Variants in MYO5B observed in about 807,000 individuals in gnomAD.
The protein encoded by MYO5B is myosin VB, also known as unconventional myosin-Vb.
MYO5B carries 143 observed loss-of-function variants against 229.3 expected under a neutral mutation model. That is an observed-to-expected ratio of 0.62 (90% CI 0.54 to 0.72). The LOEUF (loss-of-function observed/expected upper bound fraction) is 0.72, where lower values mean the gene tolerates loss of function less well. Among genes scored for constraint, MYO5B ranks in the 30% least tolerant of loss-of-function variants. MYO5B has a pLI of 0.00. For synonymous variants in MYO5B, 918 were observed against 885.2 expected, an observed-to-expected ratio of 1.04 and a Z score of -0.66; for missense variants, 2,321 against 2,331.0, an observed-to-expected ratio of 1.00 and a Z score of 0.09.
intron 17 of MYO5B, among the ~76,000 whole-genome samples, chr18:49,926,468 G>T (rs1247868820): frequency 6.6e-6 from 1 of 152,218 alleles, no homozygotes; most frequent in Non-Finnish European, 1.5e-5. Flanking sequence ...AGGACAGAGG[G>T]TCCCAGTGGG....
In MYO5B at chr18:49,882,412, G is replaced by A. The variant is rs1044298715; in HGVS notation, c.3046-1957C>T. ...TGAGAGACTGAGGTGGGCAGATAAC[G>A]AGGTCAGGAGATCGAGATGATCCTG... On this transcript the variant is annotated intron_variant, in intron 22 of 39. Transcript: ENST00000285039. Among the ~76,000 whole-genome samples, 7 of 151,874 alleles carry A rather than the reference G, an allele frequency of 4.6e-5. No individual in the cohort carries two copies. The East Asian group carries it at 1.4e-3, about 30-fold the overall frequency.
intron 16 of MYO5B, among the ~76,000 whole-genome samples, chr18:49,933,432 T>C (rs763232975): frequency 1.3e-5 from 2 of 152,252 alleles, no homozygotes; most frequent in Non-Finnish European, 2.9e-5. Context: ...CTACCTGTCC[T>C]AGCCCAGTGC....
intron 17 of MYO5B, among the ~76,000 whole-genome samples, chr18:49,917,573 C>T (rs1025720604): frequency 6.6e-6 from 1 of 152,212 alleles, no homozygotes; most frequent in Non-Finnish European, 1.5e-5. Flanking sequence ...AGATGGCCAT[C>T]GAGACGCCTT....
In MYO5B at chr18:50,195,013, A is replaced by G. The variant is rs1599096113; in HGVS notation, c.-220T>C. 1.9e-6 allele frequency: 1 copy of G among 534,674 alleles called. No homozygotes were observed. The highest frequency in any genetic ancestry group is 2.0e-5 in the African/African-American group (1 of 50,226). 33.1% of individuals were successfully genotyped at this position (534,674 alleles called of 1,614,324 possible). A position where few individuals can be genotyped will look rare whatever the true frequency, so the allele number is the denominator to read the frequency against. On this transcript the variant is annotated 5_prime_UTR_variant, in exon 1 of 40. Transcript: ENST00000285039. ...GCCGCGGCGGCGCAGCTACGGCCGG[A>G]CAGGAGTTGCGAGCGCCGGGGGAGG...
At chr18:49,854,839 G>C (rs996850055) in intron 30 of MYO5B, among the ~76,000 whole-genome samples, 8 of 152,188 alleles carry the variant, frequency 5.3e-5, no homozygotes, top group African/African-American at 1.9e-4. Flanking sequence ...AAGAGAGAGA[G>C]GGAAAGTCTA....
intron 10 of MYO5B, among the ~76,000 whole-genome samples, chr18:49,972,309 C>T (rs1238731970): frequency 6.6e-6 from 1 of 152,154 alleles, no homozygotes; most frequent in Admixed American, 6.5e-5. Flanking sequence ...ACAAACCGGG[C>T]TGACATCTGT....
intron 1 of MYO5B, among the ~76,000 whole-genome samples, chr18:50,193,915 G>A (rs1000090201): frequency 1.3e-5 from 2 of 152,192 alleles, no homozygotes; most frequent in Non-Finnish European, 2.9e-5. Flanking sequence ...CAACTGCTGC[G>A]GAACGCGGGC....
At position 49,837,541 on chromosome 18, in the gene MYO5B, G is replaced by A; in HGVS notation, c.5114C>T (p.Ser1705Phe). The A allele has an allele frequency of 6.2e-7, 1 of 1,613,926 alleles. No individual in the cohort carries two copies. The change falls in exon 37 of 40, where the codon TCT becomes TTT. Residue 1705 changes from serine to phenylalanine, a missense_variant. This residue lies in a region of MYO5B where 208 missense variants were observed against 286.3 expected (regional missense o/e 0.73). Transcript: ENST00000285039. Reference sequence around the variant, plus strand: ...CCTGAGTTGCATGCCTGTGCTCCAAGAGCAGACGTCCTTCCGCAAGAGCAG... The same window carrying A: ...CCTGAGTTGCATGCCTGTGCTCCAAAAGCAGACGTCCTTCCGCAAGAGCAG... ...NNLLLRKDVCSWSTGMQLRYN... is the reference protein window; with the variant it reads ...NNLLLRKDVCFWSTGMQLRYN...
chr18:50,119,838 G>GA lies in MYO5B; in HGVS notation c.28-64461dup, dbSNP rs573016430. Among the ~76,000 whole-genome samples the GA allele has an allele frequency of 3.6e-4, 54 of 151,808 alleles. No homozygotes were observed. In the East Asian group the frequency reaches 5.6e-3, roughly 16 times the overall value. On this transcript the variant is annotated intron_variant, in intron 1 of 39. Coordinates refer to ENST00000285039, the MANE Select transcript of MYO5B (RefSeq NM_001080467.3). ...GCTAGAGAAGGTCTTGCTGAAAAAGGAAAAAAAATTAGTTTGCTGTGATAC... is the reference window on the plus strand; with the variant it reads ...GCTAGAGAAGGTCTTGCTGAAAAAGGAAAAAAAAATTAGTTTGCTGTGATAC...
chr18:50,030,967 A>G (rs2026382472), intron 4 of MYO5B, among the ~76,000 whole-genome samples: 1 of 149,600 alleles, frequency 6.7e-6, no homozygotes, highest in African/African-American at 2.5e-5. Flanking sequence ...CGCCAGCCAA[A>G]TAAGATGGCA....
chr18:49,937,374 A>G lies in MYO5B; in HGVS notation c.1776T>C (p.Phe592=), dbSNP rs181890135. The change falls in exon 15 of 40, where the codon TTT becomes TTC. Residue 592 remains phenylalanine, a synonymous_variant. Coordinates refer to ENST00000285039, the MANE Select transcript of MYO5B (RefSeq NM_001080467.3). ...CAGGAACAGGGTCCTTGTCATCATG[A>G]AACAAGTCAGCCACTAGTGGGAACT... The part of the protein sequence containing the change: ...ASKFPLVADL[F]HDDKDPVPAT... 1.5e-5 allele frequency: 25 copies of G among 1,614,172 alleles called. No individual in the cohort carries two copies. The African/African-American group carries it at 2.9e-4, about 19-fold the overall frequency.
intron 4 of MYO5B, among the ~76,000 whole-genome samples, chr18:50,014,237 TA>T (rs1384355693): frequency 3.7e-5 from 2 of 53,794 alleles, no homozygotes; most frequent in East Asian, 5.1e-4. Flanking sequence ...AATGTCTACA[TA>T]AAAAAAGTCC....
intron 21 of MYO5B, among the ~76,000 whole-genome samples, chr18:49,897,244 C>A (rs898678984): frequency 3.2e-4 from 48 of 152,140 alleles, no homozygotes; most frequent in African/African-American, 1.1e-3. Flanking sequence ...CCAAGCCTGG[C>A]AGAGGGCAGG....
intron 33 of MYO5B, among the ~76,000 whole-genome samples, chr18:49,845,603 C>G (rs1221219049): frequency 6.6e-6 from 1 of 152,226 alleles, no homozygotes; most frequent in Non-Finnish European, 1.5e-5. Context: ...ATGGGGCAGG[C>G]AGGTCAGTGT....
chr18:49,950,577 A>T (rs2025421072), intron 14 of MYO5B, among the ~76,000 whole-genome samples: 1 of 152,172 alleles, frequency 6.6e-6, no homozygotes, highest in Admixed American at 6.5e-5. Context: ...AAGACAACCA[A>T]GATACAATGG....
At chr18:49,894,102 C>T (rs2024748982) in intron 22 of MYO5B, among the ~76,000 whole-genome samples, 1 of 152,302 alleles carries the variant, frequency 6.6e-6, no homozygotes, top group Non-Finnish European at 1.5e-5. Context: ...CAAGGTCTAC[C>T]GCAGGGCCCT....
At chr18:50,063,110 G>C (rs944582377) in intron 1 of MYO5B, among the ~76,000 whole-genome samples, 2 of 152,118 alleles carry the variant, frequency 1.3e-5, no homozygotes, top group Non-Finnish European at 2.9e-5. Context: ...GGAGAGCACA[G>C]CCAGCCAAAG....
rs1489936867 is a variant in MYO5B at position 49,843,382 on chromosome 18, G to A, written c.4470C>T (p.Pro1490=). The change falls in exon 34 of 40, where the codon CCC becomes CCT. Residue 1490 remains proline (P), a synonymous_variant. Transcript: ENST00000285039. ...AGGGCACTGTGCCCGACAGCATCTG[G>A]GGCTTCAAGTCTAAGGGCAACGAGA... ...LIRNLVTDLK[P]QMLSGTVPCL... The A allele has an allele frequency of 6.2e-7, 1 of 1,614,194 alleles. No individual in the cohort carries two copies. The highest frequency in any genetic ancestry group is 8.5e-7 in the Non-Finnish European group (1 of 1,180,042).
intron 22 of MYO5B, among the ~76,000 whole-genome samples, chr18:49,882,425 C>T (rs764643604): frequency 2.6e-5 from 4 of 151,704 alleles, no homozygotes; most frequent in Non-Finnish European, 4.4e-5. Flanking sequence ...GTCAGGAGAT[C>T]GAGATGATCC....
Sources: allele counts gnomAD v4.1 joint callset (sites outside exome capture counted in the v4.1 genomes callset), GRCh38; gene constraint gnomAD v4.1.1; regional missense constraint gnomAD v4.1.1; transcripts MANE v1.5; gene names NCBI Gene and HGNC (gene_info 2026-07-23, HGNC 2026-07-21).